The following SPAG16 variants were observed in gnomAD, a reference collection of about 807,000 sequenced individuals.
SPAG16 encodes sperm-associated antigen 16 protein.
SPAG16 carries 86 observed loss-of-function variants against 80.4 expected under a neutral mutation model. The ratio of observed to expected loss-of-function variants is 1.07; its 90% CI spans 0.90 to 1.28. The LOEUF (loss-of-function observed/expected upper bound fraction) is 1.28, where lower values mean the gene tolerates loss of function less well. Among genes scored for constraint, SPAG16 ranks in the 50% most tolerant of loss-of-function variants. SPAG16 has a pLI of 0.00. For missense variants in SPAG16, 870 were observed against 765.3 expected, an observed-to-expected ratio of 1.14 and a Z score of -1.61; for synonymous variants, 294 against 265.9, an observed-to-expected ratio of 1.11 and a Z score of -1.03.
chr2:213,975,988 C>T (rs896329704), intron 12 of SPAG16, among the ~76,000 whole-genome samples: 4 of 151,504 alleles, frequency 2.6e-5, no homozygotes, highest in African/African-American at 9.7e-5. Flanking sequence ...TATTTTCAAG[C>T]TTACATGGCT....
At chr2:214,133,582 G>A (rs2054896524) in intron 14 of SPAG16, among the ~76,000 whole-genome samples, 1 of 152,048 alleles carries the variant, frequency 6.6e-6, no homozygotes, top group South Asian at 2.1e-4. Context: ...ACTTGAATCT[G>A]GTAGGTGGAG....
chr2:213,555,648 A>G (rs1422862850), intron 10 of SPAG16, among the ~76,000 whole-genome samples: 1 of 152,226 alleles, frequency 6.6e-6, no homozygotes, highest in Non-Finnish European at 1.5e-5. Context: ...GACAAGATAC[A>G]TACATTCCCA....
chr2:214,231,973 A>G (rs1279936235), intron 15 of SPAG16, among the ~76,000 whole-genome samples: 1 of 152,020 alleles, frequency 6.6e-6, no homozygotes, highest in Non-Finnish European at 1.5e-5. Flanking sequence ...TAACCACTAA[A>G]CATATTATAT....
intron 10 of SPAG16, among the ~76,000 whole-genome samples, chr2:213,608,672 C>A (rs2061346317): frequency 6.6e-6 from 1 of 152,200 alleles, no homozygotes; most frequent in Non-Finnish European, 1.5e-5. Context: ...GATTTATAAT[C>A]CTTTGGGTAT....
At chr2:213,717,180 G>T (rs1287984653) in intron 10 of SPAG16, among the ~76,000 whole-genome samples, 1 of 149,008 alleles carries the variant, frequency 6.7e-6, no homozygotes, top group Non-Finnish European at 1.5e-5. Context: ...TTTTGAGACG[G>T]AATCTCGTCT....
At chr2:213,699,013 C>A (rs540684170) in intron 10 of SPAG16, among the ~76,000 whole-genome samples, 3 of 152,190 alleles carry the variant, frequency 2.0e-5, no homozygotes, top group Non-Finnish European at 2.9e-5. Context: ...CTTTTCCTCT[C>A]TAAGTTCTGT....
At chr2:213,710,655 A>G (rs1349251896) in intron 10 of SPAG16, among the ~76,000 whole-genome samples, 3 of 152,232 alleles carry the variant, frequency 2.0e-5, no homozygotes, top group East Asian at 1.9e-4. Context: ...TTTTCCCCCA[A>G]TGTGCAAGGT....
chr2:213,350,549 T>C lies in SPAG16; in HGVS notation c.666T>C (p.Ser222=), dbSNP rs756227483. Residue 222 remains serine (S), a synonymous_variant, in exon 7 of 16, where the codon TCT becomes TCC. Transcript: ENST00000331683. The stretch of plus-strand genomic sequence containing the variant: ...ATAGGTTGAAGTTACATTATGCATC[T>C]TATGAACCGACTATAAGGGTGTTAC... The part of the protein sequence containing the change: ...DLKGLKLHYA[S]YEPTIRVLHE... 1.3e-6 allele frequency: 2 copies of C among 1,578,096 alleles called. No homozygotes were observed. Among genetic ancestry groups the C allele is most frequent in the South Asian group, 2.4e-5 (2 of 83,766 alleles).
chr2:213,592,181 A>G (rs769431528), intron 10 of SPAG16, among the ~76,000 whole-genome samples: 64 of 152,248 alleles, frequency 4.2e-4, no homozygotes, highest in Non-Finnish European at 8.2e-4. Flanking sequence ...CAGCAGAACT[A>G]TAACAGAAAA....
intron 10 of SPAG16, among the ~76,000 whole-genome samples, chr2:213,607,244 CTA>C (rs768172874): frequency 5.9e-5 from 9 of 152,144 alleles, no homozygotes; most frequent in African/African-American, 2.2e-4. Flanking sequence ...TTAAATGTAA[CTA>C]TGAATACATA....
At chr2:213,469,785 T>C (rs190739764) in intron 9 of SPAG16, among the ~76,000 whole-genome samples, 117 of 152,150 alleles carry the variant, frequency 7.7e-4, no homozygotes, top group African/African-American at 2.7e-3. Flanking sequence ...GTAGACTGAT[T>C]TCATCTTGAT....
chr2:213,983,266 T>A (rs1432927483), intron 12 of SPAG16, among the ~76,000 whole-genome samples: 1 of 151,966 alleles, frequency 6.6e-6, no homozygotes, highest in Non-Finnish European at 1.5e-5. Context: ...GAAAATTTCA[T>A]GTTTTACCTT....
intron 14 of SPAG16, among the ~76,000 whole-genome samples, chr2:214,120,051 C>T (rs1446035492): frequency 6.6e-6 from 1 of 151,842 alleles, no homozygotes; most frequent in Non-Finnish European, 1.5e-5. Context: ...TGTGTCTTCT[C>T]AATATGAGCA....
intron 13 of SPAG16, among the ~76,000 whole-genome samples, chr2:214,015,985 T>C (rs1459587132): frequency 6.6e-6 from 1 of 151,144 alleles, no homozygotes; most frequent in Non-Finnish European, 1.5e-5. Flanking sequence ...ATTTGGAGAG[T>C]GATTGGAGGT....
chr2:213,775,090 C>T (rs1284706971), intron 10 of SPAG16, among the ~76,000 whole-genome samples: 1 of 152,128 alleles, frequency 6.6e-6, no homozygotes, highest in Non-Finnish European at 1.5e-5. Flanking sequence ...TTCTTCTAGC[C>T]GGCATTTATG....
At chr2:213,464,920 T>A (rs2072596144) in intron 9 of SPAG16, among the ~76,000 whole-genome samples, 1 of 152,238 alleles carries the variant, frequency 6.6e-6, no homozygotes, top group Non-Finnish European at 1.5e-5. Flanking sequence ...ATTCTATTTC[T>A]GCAGGAGAGT....
chr2:214,105,467 C>A (rs1310282418), intron 13 of SPAG16, among the ~76,000 whole-genome samples: 1 of 152,138 alleles, frequency 6.6e-6, no homozygotes, highest in Non-Finnish European at 1.5e-5. Context: ...TATCAGGCAA[C>A]TGAAGCACAG....
intron 10 of SPAG16, among the ~76,000 whole-genome samples, chr2:213,740,618 A>C (rs1245197183): frequency 6.6e-6 from 1 of 152,244 alleles, no homozygotes; most frequent in African/African-American, 2.4e-5. Context: ...TCAGCAAGGC[A>C]TCATATGCCA....
chr2:214,305,467 T>C (rs1314785489), intron 15 of SPAG16, among the ~76,000 whole-genome samples: 2 of 152,228 alleles, frequency 1.3e-5, no homozygotes, highest in Non-Finnish European at 2.9e-5. Context: ...TCCTTAATGG[T>C]ATTGCCTAGG....
Sources: gnomAD v4.1 joint callset for allele counts (sites outside exome capture counted in the v4.1 genomes callset) on GRCh38, gnomAD v4.1.1 for gene constraint, MANE v1.5 for transcripts, NCBI Gene and HGNC (gene_info 2026-07-23, HGNC 2026-07-21) for gene names.